The following MTMR8 variants were observed in gnomAD, a reference collection of about 807,000 sequenced individuals.
MTMR8 encodes the protein myotubularin related protein 8, also known as phosphatidylinositol-3,5-bisphosphate 3-phosphatase MTMR8.
MTMR8 carries 65 observed loss-of-function variants against 39.3 expected under a neutral mutation model. That is an observed-to-expected ratio of 1.65 (90% confidence interval 1.35 to 2.03). The LOEUF is 2.03. Ranked by LOEUF, MTMR8 falls within the 30% of genes most tolerant of loss-of-function variation. The pLI is 0.00. For missense variants in MTMR8, 777 were observed against 538.9 expected (o/e 1.44, Z -4.37); for synonymous variants, 245 against 185.2 (o/e 1.32, Z -2.62).
intron 12 of MTMR8, among the ~76,000 whole-genome samples, chrX:64,327,721 T>C (rs1179621123): frequency 8.9e-6 from 1 of 112,471 alleles, no homozygotes; most frequent in African/African-American, 3.2e-5. Context: ...CGAACAGATA[T>C]GTGCACTCCC....
chrX:64,325,548 T>A (rs1245275641), intron 12 of MTMR8, among the ~76,000 whole-genome samples: 1 of 112,008 alleles, frequency 8.9e-6, no homozygotes, highest in East Asian at 2.8e-4. Flanking sequence ...AACCGTATGA[T>A]CATTTCAATA....
chrX:64,372,198 C>T (rs2147241563), intron 1 of MTMR8, among the ~76,000 whole-genome samples: 1 of 107,366 alleles, frequency 9.3e-6, no homozygotes, highest in Admixed American at 1.0e-4. Flanking sequence ...ACAGGAAGTT[C>T]CCAAGGACCT....
intron 1 of MTMR8, among the ~76,000 whole-genome samples, chrX:64,375,348 G>A (rs1281294797): frequency 2.8e-5 from 3 of 106,781 alleles, no homozygotes; most frequent in African/African-American, 1.0e-4. Flanking sequence ...GAGAGAGACT[G>A]TCTCAATAGA....
intron 12 of MTMR8, among the ~76,000 whole-genome samples, chrX:64,287,336 C>T (rs1237362113): frequency 9.0e-6 from 1 of 111,597 alleles, no homozygotes; most frequent in East Asian, 2.8e-4. Flanking sequence ...AATGGAAGAA[C>T]ATTCCATGCT....
intron 12 of MTMR8, among the ~76,000 whole-genome samples, chrX:64,322,016 C>G (rs768716921): frequency 1.8e-5 from 2 of 110,116 alleles, no homozygotes; most frequent in Non-Finnish European, 3.8e-5. Context: ...ATGTTTTTAA[C>G]GTGCTGTCGA....
intron 1 of MTMR8, among the ~76,000 whole-genome samples, chrX:64,379,961 G>C (rs189423471): frequency 9.0e-6 from 1 of 110,940 alleles, no homozygotes; most frequent in East Asian, 2.9e-4. Flanking sequence ...ATGAAGAAAA[G>C]CATTTGACAA....
chrX:64,366,246 C>T (rs146700492), intron 1 of MTMR8, among the ~76,000 whole-genome samples: 1 of 111,624 alleles, frequency 9.0e-6, no homozygotes, highest in Non-Finnish European at 1.9e-5. Context: ...CAGGTTGGCA[C>T]CAAGCAGACC....
At chrX:64,383,373 T>A (rs763432866) in intron 1 of MTMR8, among the ~76,000 whole-genome samples, 1 of 109,492 alleles carries the variant, frequency 9.1e-6, no homozygotes, top group African/African-American at 3.3e-5. Flanking sequence ...ATATATGATA[T>A]AATTTATAAT....
At chrX:64,393,607 G>A (rs1924747983) in intron 1 of MTMR8, among the ~76,000 whole-genome samples, 1 of 111,913 alleles carries the variant, frequency 8.9e-6, no homozygotes, top group Admixed American at 9.5e-5. Context: ...GAGGGAGTCT[G>A]GACAACAGAA....
At chrX:64,388,176 C>G in intron 1 of MTMR8, among the ~76,000 whole-genome samples, 1 of 111,665 alleles carries the variant, frequency 9.0e-6, no homozygotes, top group Middle Eastern at 4.6e-3. Flanking sequence ...AGATGCACTG[C>G]AATAATAAAT....
In MTMR8 at chrX:64,268,560, C is replaced by T. The variant is rs142152280; in HGVS notation, c.2092G>A (p.Ala698Thr). The part of the protein sequence containing the change: ...TGISKASTKE[A>T]DYSKHQ ...ACTCACTGATGCTTGGAGTAGTCTGCCTCCTTGGTGCTGGCCTTGGAGATG... is the reference window on the plus strand; with the variant it reads ...ACTCACTGATGCTTGGAGTAGTCTGTCTCCTTGGTGCTGGCCTTGGAGATG... The change falls in exon 14 of 14, where the codon GCA (alanine) becomes ACA (threonine). Residue 698 changes from alanine to threonine, a missense_variant. Physicochemically the swap from Ala to Thr is moderately conservative, Grantham distance 58 (BLOSUM62 0). Transcript: ENST00000374852. 2.8e-5 allele frequency: 34 copies of T among 1,206,280 alleles called. No individual in the cohort carries two copies. The highest frequency in any genetic ancestry group is 3.6e-5 in the Non-Finnish European group (32 of 893,830).
intron 12 of MTMR8, among the ~76,000 whole-genome samples, chrX:64,312,180 G>T (rs190355595): frequency 2.8e-4 from 31 of 111,324 alleles, no homozygotes; most frequent in African/African-American, 8.8e-4. Flanking sequence ...TTATTTCGTT[G>T]AGCAGTGGTT....
intron 12 of MTMR8, among the ~76,000 whole-genome samples, chrX:64,304,538 A>C (rs1922013556): frequency 1.8e-5 from 2 of 110,864 alleles, no homozygotes; most frequent in African/African-American, 6.5e-5. Context: ...CCTTTTACTT[A>C]TGTGGGCATC....
intron 12 of MTMR8, among the ~76,000 whole-genome samples, chrX:64,301,365 G>T (rs1291370835): frequency 2.9e-5 from 3 of 105,136 alleles, no homozygotes; most frequent in Non-Finnish European, 3.9e-5. Flanking sequence ...CCAGTTGATC[G>T]CATCGGCTCC....
intron 12 of MTMR8, among the ~76,000 whole-genome samples, chrX:64,298,709 G>T (rs1424173075): frequency 1.2e-5 from 1 of 85,409 alleles, no homozygotes; most frequent in Non-Finnish European, 2.0e-5. Context: ...GATATTGGCT[G>T]TGGGTTTGTC....
At chrX:64,274,144 A>G (rs1285901848) in intron 12 of MTMR8, among the ~76,000 whole-genome samples, 2 of 111,840 alleles carry the variant, frequency 1.8e-5, no homozygotes, top group Non-Finnish European at 3.8e-5. Context: ...CAATAACAGT[A>G]CAATACACAT....
At chrX:64,343,246 A>G (rs1232767268) in intron 8 of MTMR8, among the ~76,000 whole-genome samples, 1 of 111,978 alleles carries the variant, frequency 8.9e-6, no homozygotes, top group Non-Finnish European at 1.9e-5. Flanking sequence ...ATTAGAGATC[A>G]CCTAAGAGTT....
chrX:64,282,802 T>A (rs1020931676), intron 12 of MTMR8, among the ~76,000 whole-genome samples: 14 of 111,174 alleles, frequency 1.3e-4, no homozygotes, highest in Non-Finnish European at 2.6e-4. Context: ...GAGAAAATAT[T>A]TGCAAATCAT....
chrX:64,284,563 G>A (rs920910263), intron 12 of MTMR8, among the ~76,000 whole-genome samples: 3 of 111,615 alleles, frequency 2.7e-5, no homozygotes. Context: ...AATGTTAAGG[G>A]CAGCCAGAGA....
Sources: allele counts gnomAD v4.1 joint callset (sites outside exome capture counted in the v4.1 genomes callset), GRCh38; gene constraint gnomAD v4.1.1; transcripts MANE v1.5; gene names NCBI Gene and HGNC (gene_info 2026-07-23, HGNC 2026-07-21).